Variants in CACNB4 observed in about 807,000 individuals in gnomAD.
CACNB4 encodes calcium voltage-gated channel auxiliary subunit beta 4.
Under a neutral mutation model 71.2 loss-of-function variants are expected in CACNB4, and 32 were observed. The ratio of observed to expected loss-of-function variants is 0.45; its 90% CI spans 0.34 to 0.60. The LOEUF (loss-of-function observed/expected upper bound fraction) is 0.60, where lower values mean the gene tolerates loss of function less well. CACNB4 is among the 20% of genes least tolerant of loss of function. The pLI is 0.01. For missense variants in CACNB4, 464 were observed against 647.9 expected, an observed-to-expected ratio of 0.72 and a Z score of 3.08; for synonymous variants, 231 against 236.9, an observed-to-expected ratio of 0.97 and a Z score of 0.23.
intron 10 of CACNB4, among the ~76,000 whole-genome samples, chr2:151,856,150 AGTT>A (rs1181260767): frequency 7.2e-6 from 1 of 139,244 alleles, no homozygotes; most frequent in Non-Finnish European, 1.5e-5. Flanking sequence ...GAAGCAATCC[AGTT>A]TTTTTTTTTT....
Position 151,872,485 on chromosome 2 carries a change from C to G in CACNB4, c.530G>C (p.Ser177Thr), listed in dbSNP as rs1186514076. The G allele has an allele frequency of 2.5e-6, 4 of 1,586,498 alleles. No homozygotes were observed. The South Asian group carries it at 3.3e-5, about 13-fold the overall frequency. Reference sequence around the variant, plus strand: ...TCCAAGACTTGAAGAAGAATTTCCACTTGATTTCCTAGGATATAGAAAAGG... The same window carrying G: ...TCCAAGACTTGAAGAAGAATTTCCAGTTGATTTCCTAGGATATAGAAAAGG... ...KRGRFHGGKS[S>T]GNSSSSLGEM... is the part of the protein sequence containing the mutation. Residue 177 changes from serine to threonine, a missense_variant, in exon 6 of 14, where the codon AGT (serine) becomes ACT (threonine). By Grantham distance (58) the Ser-to-Thr change is moderately conservative. This residue lies in a region of CACNB4 where 299 missense variants were observed against 471.7 expected (regional missense o/e 0.63). Transcript: ENST00000539935.
intron 2 of CACNB4, among the ~76,000 whole-genome samples, chr2:152,037,654 T>C (rs1684666170): frequency 6.6e-6 from 1 of 152,212 alleles, no homozygotes; most frequent in African/African-American, 2.4e-5. Flanking sequence ...CAAAAGCACA[T>C]ATCCCCTCTC....
At chr2:151,861,851 A>AAAAAAAACAAAAAAAAAAAAAAC in intron 9 of CACNB4, 1 of 135,356 alleles carries the variant, frequency 7.4e-6, no homozygotes, top group African/African-American at 2.9e-5. Context: ...TCAAAAAAAA[A>AAAAAAAACAAAAAAAAAAAAAAC]AAAAAAACTG....
At chr2:151,905,000 G>C (rs904244492) in intron 2 of CACNB4, among the ~76,000 whole-genome samples, 11 of 152,144 alleles carry the variant, frequency 7.2e-5, no homozygotes, top group African/African-American at 2.7e-4. Flanking sequence ...AGAAGAACTA[G>C]AATGCTATCA....
chr2:152,026,676 G>A (rs747251101), intron 2 of CACNB4, among the ~76,000 whole-genome samples: 25 of 151,836 alleles, frequency 1.6e-4, no homozygotes, highest in South Asian at 8.3e-4. Flanking sequence ...CACTGCACTC[G>A]GCCTCCACTC....
intron 2 of CACNB4, among the ~76,000 whole-genome samples, chr2:152,024,710 T>A (rs1683868546): frequency 6.6e-6 from 1 of 152,216 alleles, no homozygotes; most frequent in African/African-American, 2.4e-5. Flanking sequence ...GCTACACCCT[T>A]AGGGACTTGC....
intron 2 of CACNB4, among the ~76,000 whole-genome samples, chr2:152,029,269 C>T (rs538143686): frequency 5.9e-5 from 9 of 151,820 alleles, no homozygotes; most frequent in East Asian, 5.8e-4. Flanking sequence ...CTGAGGTGGG[C>T]GGATCACGAG....
At chr2:152,011,152 A>G (rs1011281625) in intron 2 of CACNB4, among the ~76,000 whole-genome samples, 5 of 152,228 alleles carry the variant, frequency 3.3e-5, no homozygotes, top group Non-Finnish European at 5.9e-5. Flanking sequence ...CAAGGTCTGC[A>G]TCTGTACAGG....
chr2:152,045,991 CTG>C (rs1685125609), intron 2 of CACNB4, among the ~76,000 whole-genome samples: 1 of 152,072 alleles, frequency 6.6e-6, no homozygotes, highest in Admixed American at 6.6e-5. Flanking sequence ...CTTAGAGTAA[CTG>C]AGAATCAATG....
intron 4 of CACNB4, chr2:151,880,376 A>G (rs1519707): frequency 0.95 from 178,145 of 186,610 alleles, 85,614 homozygotes; most frequent in East Asian, 1. Context: ...TTGGTTCCAT[A>G]GTCAAGGTGC....
chr2:152,038,044 G>C (rs935829314), intron 2 of CACNB4, among the ~76,000 whole-genome samples: 20 of 152,230 alleles, frequency 1.3e-4, no homozygotes, highest in Non-Finnish European at 5.9e-5. Flanking sequence ...AGGAAAACTG[G>C]GGAGGATCAG....
chr2:151,913,601 T>TA (rs1343695611), intron 2 of CACNB4, among the ~76,000 whole-genome samples: 2 of 151,200 alleles, frequency 1.3e-5, no homozygotes, highest in Non-Finnish European at 2.9e-5. Flanking sequence ...CCATCTCTAC[T>TA]AAAAAATGCA....
chr2:151,964,913 G>A (rs2099870662), intron 2 of CACNB4, among the ~76,000 whole-genome samples: 1 of 146,952 alleles, frequency 6.8e-6, no homozygotes, highest in African/African-American at 2.5e-5. Context: ...ACTTCACAAA[G>A]GGCCCTGTGC....
chr2:152,016,065 T>C (rs760212694), intron 2 of CACNB4, among the ~76,000 whole-genome samples: 6 of 152,236 alleles, frequency 3.9e-5, no homozygotes, highest in Non-Finnish European at 5.9e-5. Flanking sequence ...TTCTCTCCTA[T>C]TACCAATTGC....
intron 2 of CACNB4, among the ~76,000 whole-genome samples, chr2:151,926,121 A>G (rs1221468775): frequency 6.6e-6 from 1 of 152,198 alleles, no homozygotes; most frequent in East Asian, 1.9e-4. Flanking sequence ...GATGAGATAA[A>G]TGAAAGAATG....
At chr2:151,855,442 T>C (rs2099840039) in intron 10 of CACNB4, 67 bp from the exon 11 acceptor site, 2 of 1,209,610 alleles carry the variant, frequency 1.7e-6, no homozygotes, top group Non-Finnish European at 2.3e-6. Flanking sequence ...TAGAAAGATA[T>C]AGTATATTTT....
intron 2 of CACNB4, among the ~76,000 whole-genome samples, chr2:152,077,584 G>C (rs1016023615): frequency 7.2e-5 from 11 of 152,032 alleles, no homozygotes; most frequent in Admixed American, 5.2e-4. Flanking sequence ...ACAAAAATGA[G>C]TCACACGTGG....
chr2:152,042,530 T>G (rs886362201), intron 2 of CACNB4, among the ~76,000 whole-genome samples: 1 of 152,144 alleles, frequency 6.6e-6, no homozygotes, highest in African/African-American at 2.4e-5. Flanking sequence ...GCAGTACCAT[T>G]GACCCAAATC....
chr2:152,090,009 T>G (rs986510916), intron 2 of CACNB4, among the ~76,000 whole-genome samples: 4 of 152,210 alleles, frequency 2.6e-5, no homozygotes, highest in Non-Finnish European at 5.9e-5. Flanking sequence ...TCTTCATGAA[T>G]GTGAGTGAGT....
Sources: gnomAD v4.1 joint callset for allele counts (sites outside exome capture counted in the v4.1 genomes callset) on GRCh38, gnomAD v4.1.1 for gene constraint, gnomAD v4.1.1 regional missense constraint, MANE v1.5 for transcripts, NCBI Gene and HGNC (gene_info 2026-07-23, HGNC 2026-07-21) for gene names.